Variants in NECTIN1 observed in about 807,000 individuals in gnomAD.
The protein encoded by NECTIN1 is nectin cell adhesion molecule 1.
Under a neutral mutation model 48.0 loss-of-function variants are expected in NECTIN1, and 23 were observed. The observed-to-expected ratio is 0.48, with a 90% CI of 0.34 to 0.68. NECTIN1 has a LOEUF of 0.68. Ranked by LOEUF, NECTIN1 falls within the 30% of genes least tolerant of loss-of-function variation. The pLI is 0.01. For missense variants in NECTIN1, 591 were observed against 709.9 expected (o/e 0.83, Z 1.90); for synonymous variants, 270 against 288.9 (o/e 0.93, Z 0.66).
intron 5 of NECTIN1, among the ~76,000 whole-genome samples, chr11:119,654,965 A>T (rs940189068): frequency 6.6e-6 from 1 of 151,946 alleles, no homozygotes; most frequent in African/African-American, 2.4e-5. Context: ...GCTGGAGTGC[A>T]ATGGTGCGAC....
In NECTIN1 at chr11:119,677,988, T is replaced by C. The variant is rs2292293; in HGVS notation, c.431-131A>G. The C allele has an allele frequency of 2.3e-6, 2 of 884,426 alleles. No homozygotes were observed. The highest frequency in any genetic ancestry group is 3.3e-5 in the African/African-American group (2 of 60,468). The allele number at this position is 884,426 out of a possible 1,614,324, so 54.8% of individuals were successfully genotyped here. ...GGCCATCCCTGCCTCTCAGCTGTGC[T>C]GCACCAAAGACTGTCCCAGAACCTC... On this transcript the variant is annotated intron_variant, in intron 2 of 5. Transcript: ENST00000264025. The surrounding 1 kb of genome is among the most constrained non-coding windows in gnomAD (Gnocchi z 5.4).
At chr11:119,688,870 G>A (rs1358736336) in intron 1 of NECTIN1, among the ~76,000 whole-genome samples, 1 of 151,934 alleles carries the variant, frequency 6.6e-6, no homozygotes, top group Non-Finnish European at 1.5e-5. Context: ...GGAGCTGGCT[G>A]TCAGAATATG....
intron 4 of NECTIN1, 86 bp from the exon 5 acceptor site, chr11:119,675,396 C>CCCTA: frequency 6.9e-7 from 1 of 1,452,580 alleles, no homozygotes. Flanking sequence ...GCTCCAGGCC[C>CCCTA]CCTAGCCTTT....
rs2135547575 is a variant in NECTIN1 at position 119,672,176 on chromosome 11, C to T, written c.1003+2983G>A. Among the ~76,000 whole-genome samples, 1 of 150,922 alleles carries T rather than the reference C, an allele frequency of 6.6e-6. No individual in the cohort carries two copies. The highest frequency in any genetic ancestry group is 1.9e-4 in the East Asian group (1 of 5,170). ...TGTGAGTTGGGACAGACGCCCTGCA[C>T]CCTGGGATGGACATCCTACACCCTG... On this transcript the variant is annotated intron_variant, in intron 5 of 5. Coordinates refer to ENST00000264025, the MANE Select transcript of NECTIN1 (RefSeq NM_002855.5). The surrounding 1 kb of genome is among the most constrained non-coding windows in gnomAD (Gnocchi z 4.3).
At position 119,665,222 on chromosome 11, in the gene NECTIN1, A is replaced by G; in HGVS notation, c.1079T>C (p.Val360Ala). ...GPVPTAIIGGVAGSILLVLIV... is the reference protein window; with the variant it reads ...GPVPTAIIGGAAGSILLVLIV... ...CAACACCAGCAGGATGCTCCCCGCCACGCCCCCAATGATGGCCGTGGGCAC... is the reference window on the plus strand; with the variant it reads ...CAACACCAGCAGGATGCTCCCCGCCGCGCCCCCAATGATGGCCGTGGGCAC... The change falls in exon 6 of 6, where the codon GTG becomes GCG. Residue 360 changes from valine to alanine, a missense_variant. Physicochemically the swap from Val to Ala is moderately conservative, Grantham distance 64. Coordinates refer to ENST00000264025, the MANE Select transcript of NECTIN1 (RefSeq NM_002855.5). This position sits in a 1 kb window ranked among gnomAD's most constrained non-coding sequence, Gnocchi z 5.1. 6.2e-7 allele frequency: 1 copy of G among 1,604,168 alleles called. No individual in the cohort carries two copies. Among genetic ancestry groups the G allele is most frequent in the Non-Finnish European group, 8.5e-7 (1 of 1,178,996 alleles).
At chr11:119,693,030 G>C (rs1443265607) in intron 1 of NECTIN1, among the ~76,000 whole-genome samples, 2 of 152,088 alleles carry the variant, frequency 1.3e-5, no homozygotes, top group African/African-American at 4.8e-5. Flanking sequence ...TTCGTTCTGC[G>C]GGAGGCTGAG....
At chr11:119,694,837 C>A (rs1054964493) in intron 1 of NECTIN1, among the ~76,000 whole-genome samples, 1 of 152,140 alleles carries the variant, frequency 6.6e-6, no homozygotes, top group Admixed American at 6.5e-5. Context: ...AGGCATCTTG[C>A]CCTCCATGTG....
chr11:119,675,498 T>C (rs1776547234), intron 4 of NECTIN1, 188 bp from the exon 5 acceptor site: 1 of 619,004 alleles, frequency 1.6e-6, no homozygotes, highest in Non-Finnish European at 2.8e-6. Flanking sequence ...ATTCAGCTTT[T>C]CATATTTGAT....
chr11:119,675,389 C>T, intron 4 of NECTIN1, 79 bp from the exon 5 acceptor site: 1 of 1,514,544 alleles, frequency 6.6e-7, no homozygotes, highest in East Asian at 2.3e-5. Flanking sequence ...CCACTTGGCT[C>T]CAGGCCCCCT....
chr11:119,657,139 A>G (rs1175425946), downstream of NECTIN1, among the ~76,000 whole-genome samples: 1 of 152,188 alleles, frequency 6.6e-6, no homozygotes, highest in Admixed American at 6.5e-5. Context: ...GATGACAACA[A>G]TAAATAGCAT....
chr11:119,686,526 C>CAGTAAG (rs1301982305), intron 1 of NECTIN1, among the ~76,000 whole-genome samples: 20 of 152,208 alleles, frequency 1.3e-4, no homozygotes, highest in Non-Finnish European at 2.5e-4. Flanking sequence ...CTACTTCAGA[C>CAGTAAG]CCTCCCATGG....
chr11:119,691,999 G>C (rs1439002122), intron 1 of NECTIN1, among the ~76,000 whole-genome samples: 1 of 152,192 alleles, frequency 6.6e-6, no homozygotes, highest in Non-Finnish European at 1.5e-5. Flanking sequence ...TGAGGGGCCT[G>C]AGAGGGAGAA....
Position 119,678,549 on chromosome 11 carries a change from A to C in NECTIN1, c.296T>G (p.Phe99Cys). ...VLAPYRERVEFLRPSFTDGTI... is the reference protein window; with the variant it reads ...VLAPYRERVECLRPSFTDGTI... The stretch of plus-strand genomic sequence containing the variant: ...GCCATCGGTGAAGGAGGGCCGCAGG[A>C]ATTCCACACGCTCGCGGTAGGGAGC... Residue 99 changes from phenylalanine to cysteine, a missense_variant, in exon 2 of 6, where the codon TTC becomes TGC. By Grantham distance (205) the Phe-to-Cys change is radical. Coordinates refer to ENST00000264025, the MANE Select transcript of NECTIN1 (RefSeq NM_002855.5). The surrounding 1 kb of genome is among the most constrained non-coding windows in gnomAD (Gnocchi z 4.4). 1 of 1,614,226 alleles carries C rather than the reference A, an allele frequency of 6.2e-7. No homozygotes were observed. The highest frequency in any genetic ancestry group is 8.5e-7 in the Non-Finnish European group (1 of 1,180,044).
rs1181857753 is a variant in NECTIN1, at chr11:119,665,723, T to C, written c.1004-426A>G. On this transcript the variant is annotated intron_variant, in intron 5 of 5. Transcript: ENST00000264025. The surrounding 1 kb of genome is among the most constrained non-coding windows in gnomAD (Gnocchi z 5.1). ...ATTGGATATCTGAGGAGCTGAGGCT[T>C]GCAGAGGTTAAAGAACTTGCCTGAG... 6.6e-6 allele frequency among the ~76,000 whole-genome samples: 1 copy of C among 152,154 alleles called. No individual in the cohort carries two copies. The highest frequency in any genetic ancestry group is 1.9e-4 in the East Asian group (1 of 5,184).
chr11:119,665,286 T>G lies in NECTIN1; in HGVS notation c.1015A>C (p.Thr339Pro), dbSNP rs1591449429. 6.3e-7 allele frequency: 1 copy of G among 1,583,576 alleles called. No homozygotes were observed. The highest frequency in any genetic ancestry group is 1.4e-5 in the African/African-American group (1 of 72,400). The change falls in exon 6 of 6, where the codon ACC becomes CCC. Residue 339 changes from threonine (T) to proline (P), a missense_variant. Physicochemically the swap from Thr to Pro is conservative, Grantham distance 38. Coordinates refer to ENST00000264025, the MANE Select transcript of NECTIN1 (RefSeq NM_002855.5). The surrounding 1 kb of genome is among the most constrained non-coding windows in gnomAD (Gnocchi z 5.1). ...VEVNITEFPY[T>P]PSPPEHGRRA... is the part of the protein sequence containing the mutation. ...CGCCCATGTTCGGGAGGAGACGGGG[T>G]GTAGGGGAATTCTGGGTGAGGAAAA...
rs1337150170 is a variant in NECTIN1 at position 119,686,053 on chromosome 11, G to A, written c.80-7288C>T. On this transcript the variant is annotated intron_variant, in intron 1 of 5. Coordinates refer to ENST00000264025, the MANE Select transcript of NECTIN1 (RefSeq NM_002855.5). ...CAGCTCTTCCAGGAAGACCTCCCAG[G>A]TTAAGTGGGATGCCAGGAAAATCCA... Among the ~76,000 whole-genome samples, 9 of 152,144 alleles carry A rather than the reference G, an allele frequency of 5.9e-5. No homozygotes were observed. In the East Asian group the frequency reaches 1.7e-3, roughly 29 times the overall value.
chr11:119,720,359 G>A (rs1454029107), intron 1 of NECTIN1, among the ~76,000 whole-genome samples: 1 of 152,264 alleles, frequency 6.6e-6, no homozygotes, highest in Non-Finnish European at 1.5e-5. Context: ...GCTGCTGGCA[G>A]GCCCTCACAG....
intron 5 of NECTIN1, among the ~76,000 whole-genome samples, chr11:119,651,179 G>A (rs1864485035): frequency 6.6e-6 from 1 of 152,166 alleles, no homozygotes; most frequent in African/African-American, 2.4e-5. Context: ...AAAACAAGAG[G>A]AGGCAGAGTG....
intron 1 of NECTIN1, among the ~76,000 whole-genome samples, chr11:119,690,722 G>A (rs546574342): frequency 1.3e-4 from 20 of 152,332 alleles, no homozygotes; most frequent in African/African-American, 4.1e-4. Context: ...CCCGTGCCCA[G>A]ATGTTCAGGC....
Sources: allele counts gnomAD v4.1 joint callset (sites outside exome capture counted in the v4.1 genomes callset), GRCh38; gene constraint gnomAD v4.1.1; non-coding constraint Gnocchi (gnomAD v3.1); transcripts MANE v1.5; gene names NCBI Gene and HGNC (gene_info 2026-07-23, HGNC 2026-07-21).